LOXHD1: variants seen among roughly 807,000 people sequenced by gnomAD.
LOXHD1 encodes lipoxygenase homology domain-containing protein 1.
LOXHD1 carries 205 observed loss-of-function variants against 248.2 expected under a neutral mutation model. The ratio of observed to expected loss-of-function variants is 0.83; its 90% CI spans 0.74 to 0.93. The LOEUF is 0.93. LOXHD1 is among the 40% of genes least tolerant of loss of function. The pLI, the probability that LOXHD1 is intolerant of heterozygous loss-of-function variation, is 0.00. For missense variants in LOXHD1, 2,930 were observed against 2,971.6 expected (o/e 0.99, Z 0.33); for synonymous variants, 1,113 against 1,162.8 (o/e 0.96, Z 0.87).
chr18:46,521,166 G>C lies in LOXHD1; in HGVS notation c.5202C>G (p.Asp1734Glu). The part of the protein sequence containing the change: ...MLNCNCWLAK[D>E]RGDGITSRVF... ...CACGGGAGGTGATGCCGTCGCCTCT[G>C]TCCTTGGCCAGCCAGCAGTTACAGT... The change falls in exon 33 of 41, where the codon GAC (aspartate) becomes GAG (glutamate). Residue 1734 changes from aspartate to glutamate, a missense_variant. By Grantham distance (45) the Asp-to-Glu change is conservative. Transcript: ENST00000642948. 1.3e-6 allele frequency: 2 copies of C among 1,551,714 alleles called. No homozygotes were observed. Among genetic ancestry groups the C allele is most frequent in the Non-Finnish European group, 1.7e-6 (2 of 1,147,012 alleles).
intron 40 of LOXHD1, among the ~76,000 whole-genome samples, chr18:46,479,652 C>A (rs1295023167): frequency 2.0e-5 from 3 of 151,666 alleles, no homozygotes; most frequent in Non-Finnish European, 2.9e-5. Context: ...ATGCTAACAC[C>A]TTTGAAAACA....
chr18:46,589,704 T>A (rs2038130267), intron 12 of LOXHD1, among the ~76,000 whole-genome samples: 1 of 152,214 alleles, frequency 6.6e-6, no homozygotes. Context: ...TTGTCTGTTA[T>A]AAGCTGAATT....
intron 8 of LOXHD1, among the ~76,000 whole-genome samples, chr18:46,596,116 C>G (rs912319789): frequency 6.6e-6 from 1 of 150,540 alleles, no homozygotes; most frequent in East Asian, 1.9e-4. Flanking sequence ...ACATAACTAT[C>G]CTGAGGGTAT....
Position 46,541,919 on chromosome 18 carries a change from A to G in LOXHD1, c.3770T>C (p.Val1257Ala). Residue 1257 changes from valine to alanine, a missense_variant, in exon 25 of 41, where the codon GTA (valine) becomes GCA (alanine). Transcript: ENST00000642948. ...DNTGKAPGWF[V>A]DWVEVDAPSL... is the part of the protein sequence containing the mutation. ...TGGGGCATCCACCTCTACCCAGTCT[A>G]CAAACCAGCCTGGGGCCTTGCCTAG... The G allele has an allele frequency of 6.4e-7, 1 of 1,551,644 alleles. No homozygotes were observed. The highest frequency in any genetic ancestry group is 8.7e-7 in the Non-Finnish European group (1 of 1,146,954).
At chr18:46,582,307 C>A (rs2037979033) in intron 12 of LOXHD1, among the ~76,000 whole-genome samples, 1 of 151,800 alleles carries the variant, frequency 6.6e-6, no homozygotes, top group Non-Finnish European at 1.5e-5. Context: ...TATATTGGAA[C>A]AAAGTTTTTG....
In LOXHD1 at chr18:46,538,198, C is replaced by T. The variant is rs557906826; in HGVS notation, c.4053G>A (p.Lys1351=). The T allele has an allele frequency of 1.9e-6, 3 of 1,540,170 alleles. No homozygotes were observed. The highest frequency in any genetic ancestry group is 2.5e-5 in the East Asian group (1 of 40,528). The part of the protein sequence containing the change: ...KYLCTNKREQ[K]QFFERKSASR... ...AGGCAGACTTCCTCTCAAAGAACTG[C>T]TTCTGTTCCCTCTTGTTGGTACACA... is the stretch of plus-strand genomic sequence containing the variant. The change falls in exon 26 of 41, where the codon AAG becomes AAA. Residue 1351 remains lysine (K), a synonymous_variant. Coordinates refer to ENST00000642948, the MANE Select transcript of LOXHD1 (RefSeq NM_001384474.1).
intron 21 of LOXHD1, among the ~76,000 whole-genome samples, chr18:46,547,739 G>T (rs1030132198): frequency 6.6e-6 from 1 of 152,162 alleles, no homozygotes; most frequent in South Asian, 2.1e-4. Context: ...TAATACTTGT[G>T]CAATCTTGAG....
At chr18:46,531,964 G>A (rs1451605724) in intron 28 of LOXHD1, among the ~76,000 whole-genome samples, 2 of 152,208 alleles carry the variant, frequency 1.3e-5, no homozygotes, top group African/African-American at 4.8e-5. Context: ...CAGGTTAAAG[G>A]AAAGGCAGAG....
At chr18:46,491,595 T>C (rs920185382) in intron 37 of LOXHD1, among the ~76,000 whole-genome samples, 1 of 152,218 alleles carries the variant, frequency 6.6e-6, no homozygotes, top group Non-Finnish European at 1.5e-5. Flanking sequence ...AGCATGAGTA[T>C]GCTAGTGGAG....
intron 40 of LOXHD1, among the ~76,000 whole-genome samples, chr18:46,483,226 A>G (rs935618489): frequency 6.6e-6 from 1 of 152,190 alleles, no homozygotes; most frequent in African/African-American, 2.4e-5. Context: ...AGCAGGCTTC[A>G]TAACTGTGTT....
chr18:46,477,027 C>T (rs2032061055), downstream of LOXHD1: 1 of 618,772 alleles, frequency 1.6e-6, no homozygotes, highest in Non-Finnish European at 2.9e-6. Context: ...TCTTAGCAAG[C>T]AGATGCTAAG....
intron 38 of LOXHD1, among the ~76,000 whole-genome samples, chr18:46,487,476 T>G (rs1204099954): frequency 6.6e-6 from 1 of 152,150 alleles, no homozygotes; most frequent in Non-Finnish European, 1.5e-5. Context: ...AGGAGCATAG[T>G]TGGGCTTCTA....
At chr18:46,656,777 C>CA in intron 1 of LOXHD1, 127 bp downstream of exon 1, 1 of 1,105,106 alleles carries the variant, frequency 9.0e-7, no homozygotes, top group South Asian at 1.6e-5. Context: ...ATGGAACAGA[C>CA]ACATGGGATA....
At chr18:46,499,064 T>TA (rs2034057570) in intron 37 of LOXHD1, among the ~76,000 whole-genome samples, 1 of 152,336 alleles carries the variant, frequency 6.6e-6, no homozygotes, top group South Asian at 2.1e-4. Flanking sequence ...ATATAATTGT[T>TA]AAATACCTAC....
At chr18:46,649,599 C>A (rs954259341) in intron 1 of LOXHD1, among the ~76,000 whole-genome samples, 1 of 152,178 alleles carries the variant, frequency 6.6e-6, no homozygotes, top group Non-Finnish European at 1.5e-5. Flanking sequence ...CTGATACCCT[C>A]CTAGACATGG....
intron 40 of LOXHD1, 133 bp from the exon 41 acceptor site, chr18:46,478,085 G>T: frequency 7.9e-7 from 1 of 1,263,196 alleles, no homozygotes; most frequent in Non-Finnish European, 1.1e-6. Flanking sequence ...AGCTGGAAAT[G>T]TTGGTTTAAA....
chr18:46,640,359 C>T (rs894444798), intron 3 of LOXHD1, among the ~76,000 whole-genome samples: 1 of 152,204 alleles, frequency 6.6e-6, no homozygotes, highest in South Asian at 2.1e-4. Flanking sequence ...AAGTGTGTCC[C>T]TCTCTTCATC....
At chr18:46,629,123 G>A (rs1568224753) in intron 4 of LOXHD1, among the ~76,000 whole-genome samples, 1 of 152,232 alleles carries the variant, frequency 6.6e-6, no homozygotes, top group East Asian at 1.9e-4. Flanking sequence ...TTATGAAAGT[G>A]GACACTCTAG....
At chr18:46,500,979 C>T (rs1198233820) in intron 37 of LOXHD1, among the ~76,000 whole-genome samples, 1 of 152,146 alleles carries the variant, frequency 6.6e-6, no homozygotes, top group African/African-American at 2.4e-5. Context: ...TTTAGACACA[C>T]ATCATTATTT....
Sources: allele counts gnomAD v4.1 joint callset (sites outside exome capture counted in the v4.1 genomes callset), GRCh38; gene constraint gnomAD v4.1.1; transcripts MANE v1.5; gene names NCBI Gene and HGNC (gene_info 2026-07-23, HGNC 2026-07-21).